PIR: variants seen among roughly 807,000 people sequenced by gnomAD.
PIR encodes pirin (iron-binding nuclear protein).
PIR carries 22 observed loss-of-function variants against 24.2 expected under a neutral mutation model. The ratio of observed to expected loss-of-function variants is 0.91; its 90% CI spans 0.65 to 1.30. The LOEUF is 1.30. PIR is among the 50% of genes most tolerant of loss of function. The pLI is 0.00. For missense variants in PIR, 220 were observed against 220.3 expected (o/e 1.00, Z 0.01); for synonymous variants, 80 against 79.6 (o/e 1.00, Z -0.03).
intron 8 of PIR, among the ~76,000 whole-genome samples, chrX:15,397,030 A>G (rs12850219): frequency 0.27 from 29,993 of 111,728 alleles, 3,814 homozygotes; most frequent in Non-Finnish European, 0.39. Context: ...GTGAGCCACC[A>G]CGCCCGGCCA....
intron 3 of PIR, among the ~76,000 whole-genome samples, chrX:15,464,978 G>A (rs1320309158): frequency 8.9e-6 from 1 of 112,280 alleles, no homozygotes; most frequent in Non-Finnish European, 1.9e-5. Context: ...GTAAATTGTG[G>A]TGAGTATGAC....
intron 5 of PIR, chrX:15,429,997 T>C (rs1483377485): frequency 8.9e-6 from 1 of 112,228 alleles, no homozygotes; most frequent in Non-Finnish European, 1.9e-5. Context: ...TGTGTTGTTT[T>C]GTTTATTTTT....
At chrX:15,463,232 T>C (rs181328547) in intron 3 of PIR, among the ~76,000 whole-genome samples, 21 of 111,748 alleles carry the variant, frequency 1.9e-4, no homozygotes, top group African/African-American at 6.8e-4. Context: ...CCTTCTCCAG[T>C]ATCAGCTTTA....
intron 3 of PIR, among the ~76,000 whole-genome samples, chrX:15,469,541 T>C (rs962384876): frequency 2.7e-5 from 3 of 111,422 alleles, no homozygotes; most frequent in African/African-American, 9.8e-5. Context: ...AGAAGAAAGA[T>C]TGATTGTGAC....
chrX:15,432,539 A>G (rs1925542659), intron 5 of PIR, among the ~76,000 whole-genome samples: 1 of 112,128 alleles, frequency 8.9e-6, no homozygotes, highest in Non-Finnish European at 1.9e-5. Flanking sequence ...ATGAAGCCAT[A>G]AAGAGCTTGA....
chrX:15,475,122 T>C (rs1441367835), intron 3 of PIR, among the ~76,000 whole-genome samples: 3 of 108,916 alleles, frequency 2.8e-5, no homozygotes, highest in Admixed American at 9.8e-5. Flanking sequence ...AAACAGGCTA[T>C]GTGGGAGGTG....
chrX:15,474,169 A>G (rs1040222203), intron 3 of PIR, among the ~76,000 whole-genome samples: 1 of 112,162 alleles, frequency 8.9e-6, no homozygotes, highest in African/African-American at 3.2e-5. Context: ...CCACGTTGTC[A>G]GAACAAATTT....
chrX:15,490,033 T>C (rs1329947023), intron 2 of PIR, among the ~76,000 whole-genome samples: 2 of 111,432 alleles, frequency 1.8e-5, no homozygotes, highest in Non-Finnish European at 3.8e-5. Flanking sequence ...TAACAATGTA[T>C]ACTCGAAATT....
At chrX:15,479,636 C>T (rs1602299881) in intron 3 of PIR, 93 bp downstream of exon 3, 1 of 391,910 alleles carries the variant, frequency 2.6e-6, no homozygotes, top group South Asian at 7.0e-5. Flanking sequence ...AATTTTTAGC[C>T]TATTATTTAT....
At position 15,390,201 on chromosome X, in the gene PIR, T is replaced by C; in HGVS notation, c.744A>G (p.Glu248=). ...TGGTCTTACCATGTTGGATAACTGG[T>C]TCTCTTAATGGCTCCCCAGCAATTA... ...FVLIAGEPLR[E]PVIQHGPFVM... is the part of the protein sequence containing the mutation. The change falls in exon 9 of 10, where the codon GAA becomes GAG. Residue 248 remains glutamate (E), a synonymous_variant. Coordinates refer to ENST00000380420, the MANE Select transcript of PIR (RefSeq NM_001018109.3). The C allele has an allele frequency of 8.8e-7, 1 of 1,140,264 alleles. No homozygotes were observed. The highest frequency in any genetic ancestry group is 1.2e-6 in the Non-Finnish European group (1 of 844,096). The allele number at this position is 1,140,264 out of a possible 1,213,427, so 94.0% of individuals were successfully genotyped here. A position where few individuals can be genotyped will look rare whatever the true frequency, so the allele number is the denominator to read the frequency against.
chrX:15,411,681 C>T (rs893487919), intron 6 of PIR, among the ~76,000 whole-genome samples: 4 of 110,983 alleles, frequency 3.6e-5, no homozygotes, highest in African/African-American at 9.8e-5. Context: ...AACCTCCCCC[C>T]CGCCACCGGA....
At chrX:15,401,959 A>G (rs1009530433) in intron 7 of PIR, among the ~76,000 whole-genome samples, 12 of 112,446 alleles carry the variant, frequency 1.1e-4, no homozygotes, top group African/African-American at 3.6e-4. Flanking sequence ...ATCTGATGCA[A>G]TTGAGATTGT....
At chrX:15,404,435 A>G (rs767660611) in intron 7 of PIR, among the ~76,000 whole-genome samples, 6 of 112,372 alleles carry the variant, frequency 5.3e-5, no homozygotes, top group Non-Finnish European at 1.1e-4. Context: ...CAGTCTCCTC[A>G]GATTATTTCC....
Position 15,425,998 on chromosome X carries a change from G to C in PIR, c.481-8C>G, listed in dbSNP as rs372186417. On this transcript the variant is annotated splice_polypyrimidine_tract_variant and splice_region_variant and intron_variant, in intron 5 of 9. Coordinates refer to ENST00000380420, the MANE Select transcript of PIR (RefSeq NM_001018109.3). Reference sequence around the variant, plus strand: ...GCGAGTGTAAACCTTGGACTGAAAAGGAAAAGGAAACCATCAGTGTTTTTT... The same window carrying C: ...GCGAGTGTAAACCTTGGACTGAAAACGAAAAGGAAACCATCAGTGTTTTTT... 2.7e-6 allele frequency: 3 copies of C among 1,112,422 alleles called. No individual in the cohort carries two copies. The East Asian group carries it at 9.0e-5, about 33-fold the overall frequency. 91.7% of individuals were successfully genotyped at this position (1,112,422 alleles called of 1,213,427 possible). A position where few individuals can be genotyped will look rare whatever the true frequency, so the allele number is the denominator to read the frequency against.
chrX:15,410,664 T>C lies in PIR; in HGVS notation c.566-3114A>G, dbSNP rs764120355. Among the ~76,000 whole-genome samples the C allele has an allele frequency of 2.0e-4, 22 of 112,047 alleles. No individual in the cohort carries two copies. The South Asian group carries it at 5.6e-3, about 29-fold the overall frequency. Reference sequence around the variant, plus strand: ...AGGACCAAACATTTGCTTAAAGGAATGGCCTAAGTCAATTTACTAAGTGTG... The same window carrying C: ...AGGACCAAACATTTGCTTAAAGGAACGGCCTAAGTCAATTTACTAAGTGTG... On this transcript the variant is annotated intron_variant, in intron 6 of 9. Transcript: ENST00000380420.
Position 15,384,851 on chromosome X carries a change from C to T in PIR, c.*153G>A, listed in dbSNP as rs1923683017. 2.9e-6 allele frequency: 1 copy of T among 346,137 alleles called. No individual in the cohort carries two copies. 28.5% of individuals were successfully genotyped at this position (346,137 alleles called of 1,213,427 possible). ...TTTGCATGTGCCAGGAAATATCCTACATTTATTGTTACAAAAACCATGTTA... is the reference window on the plus strand; with the variant it reads ...TTTGCATGTGCCAGGAAATATCCTATATTTATTGTTACAAAAACCATGTTA... On this transcript the variant is annotated 3_prime_UTR_variant, in exon 10 of 10. Coordinates refer to ENST00000380420, the MANE Select transcript of PIR (RefSeq NM_001018109.3).
chrX:15,439,514 C>T (rs1201501778), intron 5 of PIR, among the ~76,000 whole-genome samples: 3 of 112,085 alleles, frequency 2.7e-5, no homozygotes, highest in Non-Finnish European at 3.8e-5. Flanking sequence ...CTTAGCACCT[C>T]ATAAGCCCAT....
rs183221202 is a variant in PIR, at chrX:15,455,061, C to T, written c.480+787G>A. ...ATTCCTTTTACTGTTCTCCTAGGAA[C>T]GCTTACTTAAAAATCTCTTGGATGG... On this transcript the variant is annotated intron_variant, in intron 5 of 9. Transcript: ENST00000380420. 1.4e-4 allele frequency among the ~76,000 whole-genome samples: 16 copies of T among 112,089 alleles called. No homozygotes were observed. In the East Asian group the frequency reaches 2.8e-3, roughly 20 times the overall value.
chrX:15,459,461 G>A (rs1052640008), intron 4 of PIR, among the ~76,000 whole-genome samples, 196 bp downstream of exon 4: 1 of 112,121 alleles, frequency 8.9e-6, no homozygotes, highest in Non-Finnish European at 1.9e-5. Flanking sequence ...TGATTGAGGG[G>A]TCAAGGAAAG....
Sources: allele counts gnomAD v4.1 joint callset (sites outside exome capture counted in the v4.1 genomes callset), GRCh38; gene constraint gnomAD v4.1.1; transcripts MANE v1.5; gene names NCBI Gene and HGNC (gene_info 2026-07-23, HGNC 2026-07-21).